The following UVRAG variants were observed in gnomAD, a reference collection of about 807,000 sequenced individuals.
UVRAG encodes the protein UV radiation resistance associated.
Under a neutral mutation model 78.0 loss-of-function variants are expected in UVRAG, and 19 were observed. The ratio of observed to expected loss-of-function variants is 0.24; its 90% CI spans 0.17 to 0.36. UVRAG has a LOEUF of 0.36. UVRAG is among the 10% of genes least tolerant of loss of function. The pLI, the probability that UVRAG is intolerant of heterozygous loss-of-function variation, is 1.00. For synonymous variants in UVRAG, 323 were observed against 324.6 expected, an observed-to-expected ratio of 1.00 and a Z score of 0.05; for missense variants, 740 against 853.8, an observed-to-expected ratio of 0.87 and a Z score of 1.66.
chr11:76,063,900 T>TC (rs1951138438), intron 12 of UVRAG, among the ~76,000 whole-genome samples: 2 of 152,262 alleles, frequency 1.3e-5, no homozygotes. Flanking sequence ...TATAAATACA[T>TC]GTACTTTTGT....
intron 2 of UVRAG, among the ~76,000 whole-genome samples, chr11:75,853,154 G>A (rs1016278863): frequency 2.6e-5 from 4 of 152,036 alleles, no homozygotes; most frequent in African/African-American, 9.7e-5. Flanking sequence ...CTCAAGCTAT[G>A]CTCCTCCCCC....
intron 13 of UVRAG, among the ~76,000 whole-genome samples, chr11:76,082,539 C>A (rs1338668836): frequency 5.6e-3 from 567 of 101,638 alleles, no homozygotes; most frequent in Non-Finnish European, 6.2e-3. Flanking sequence ...GACTCCGTCC[C>A]AAAAAAAAAA....
chr11:76,033,108 G>T (rs1160442631), intron 12 of UVRAG, among the ~76,000 whole-genome samples: 2 of 152,170 alleles, frequency 1.3e-5, no homozygotes, highest in African/African-American at 4.8e-5. Context: ...GATAAGCCAT[G>T]TTGGCTTTTA....
chr11:76,003,257 A>ATTTTTTTTTTTTTTTTTTTTTTT (rs398045280), intron 8 of UVRAG, among the ~76,000 whole-genome samples: 2 of 53,734 alleles, frequency 3.7e-5, no homozygotes, highest in African/African-American at 1.6e-4. Flanking sequence ...GAAAATACTG[A>ATTTTTTTTTTTTTTTTTTTTTTT]TTTTTTTTTT....
Position 75,845,535 on chromosome 11 carries a change from G to T in UVRAG, c.118-6348G>T, listed in dbSNP as rs535092013. Among the ~76,000 whole-genome samples, 11 of 152,298 alleles carry T rather than the reference G, an allele frequency of 7.2e-5. No homozygotes were observed. The East Asian group carries it at 1.5e-3, about 21-fold the overall frequency. On this transcript the variant is annotated intron_variant, in intron 1 of 14. Transcript: ENST00000356136. ...GAGATCATGGCCTTTGCAGCAACAT[G>T]GTTGGAGCTGGATTCTATTATCCTA...
intron 3 of UVRAG, among the ~76,000 whole-genome samples, chr11:75,862,171 A>T (rs1946434790): frequency 6.6e-6 from 1 of 152,234 alleles, no homozygotes; most frequent in East Asian, 1.9e-4. Flanking sequence ...CTCAAATTCT[A>T]TAGTTTTCTC....
At chr11:75,963,385 A>G (rs1416310894) in intron 7 of UVRAG, among the ~76,000 whole-genome samples, 3 of 152,222 alleles carry the variant, frequency 2.0e-5, no homozygotes, top group Admixed American at 6.5e-5. Context: ...ATCATTTGAC[A>G]ATAGAGATGG....
chr11:76,129,289 T>C (rs1952471399), intron 14 of UVRAG, among the ~76,000 whole-genome samples: 1 of 152,246 alleles, frequency 6.6e-6, no homozygotes, highest in South Asian at 2.1e-4. Context: ...AGGGATCATT[T>C]AGCATCTGGT....
chr11:75,837,975 C>T (rs1340766603), intron 1 of UVRAG, among the ~76,000 whole-genome samples: 2 of 152,094 alleles, frequency 1.3e-5, no homozygotes, highest in Non-Finnish European at 2.9e-5. Context: ...GTGATTGTGC[C>T]ACCACTCGCC....
chr11:75,937,037 G>C (rs927869087), intron 6 of UVRAG, among the ~76,000 whole-genome samples: 3 of 152,178 alleles, frequency 2.0e-5, no homozygotes, highest in Non-Finnish European at 2.9e-5. Flanking sequence ...AGGCCACCAA[G>C]CTCCAGTTAA....
At chr11:76,019,202 CT>C (rs1007086744) in intron 12 of UVRAG, among the ~76,000 whole-genome samples, 36 of 152,170 alleles carry the variant, frequency 2.4e-4, no homozygotes, top group Non-Finnish European at 1.0e-4. Flanking sequence ...TTATTTCAAT[CT>C]CTTTGTTAAA....
chr11:76,128,605 G>A (rs1952456355), intron 14 of UVRAG, among the ~76,000 whole-genome samples: 1 of 151,868 alleles, frequency 6.6e-6, no homozygotes, highest in Non-Finnish European at 1.5e-5. Context: ...GGCATGGGAG[G>A]TATTTTTTGT....
intron 5 of UVRAG, among the ~76,000 whole-genome samples, chr11:75,892,137 C>T (rs1195801332): frequency 2.6e-5 from 4 of 152,138 alleles, no homozygotes; most frequent in Non-Finnish European, 5.9e-5. Context: ...AGGAACAAAG[C>T]CTGAGCCTCC....
In UVRAG at chr11:76,070,135, A is replaced by G. The variant is rs141819256; in HGVS notation, c.1305+4347A>G. 5.3e-3 allele frequency among the ~76,000 whole-genome samples: 807 copies of G among 152,296 alleles called. 9 individuals are homozygous for G. Among genetic ancestry groups the G allele is most frequent in the African/African-American group, 0.019 (787 of 41,554 alleles). ...ATTATTCAGCCTCTGTAAAGGACAT[A>G]CTGCCATTTGTGACAATACAGATGA... is the stretch of plus-strand genomic sequence containing the variant. On this transcript the variant is annotated intron_variant, in intron 13 of 14. Transcript: ENST00000356136.
intron 6 of UVRAG, among the ~76,000 whole-genome samples, chr11:75,928,887 A>T (rs1428604308): frequency 7.5e-6 from 1 of 132,716 alleles, no homozygotes; most frequent in Non-Finnish European, 1.6e-5. Context: ...GCTTGCAGTG[A>T]GCTGAGATCA....
At chr11:75,929,329 C>T (rs1948181972) in intron 6 of UVRAG, among the ~76,000 whole-genome samples, 1 of 152,070 alleles carries the variant, frequency 6.6e-6, no homozygotes, top group African/African-American at 2.4e-5. Flanking sequence ...GTTAGTAGAC[C>T]TTGTGTTACT....
intron 7 of UVRAG, among the ~76,000 whole-genome samples, chr11:75,969,000 A>G (rs547486885): frequency 1.3e-5 from 2 of 152,336 alleles, no homozygotes; most frequent in African/African-American, 4.8e-5. Context: ...TAAAATACAT[A>G]TAAGATTTAT....
intron 6 of UVRAG, among the ~76,000 whole-genome samples, chr11:75,955,104 T>A (rs1948769050): frequency 6.6e-6 from 1 of 152,178 alleles, no homozygotes; most frequent in African/African-American, 2.4e-5. Flanking sequence ...ACTGGATGTG[T>A]CAGCAGGGTC....
At chr11:75,917,215 A>C (rs886649765) in intron 6 of UVRAG, among the ~76,000 whole-genome samples, 1 of 152,236 alleles carries the variant, frequency 6.6e-6, no homozygotes, top group Non-Finnish European at 1.5e-5. Flanking sequence ...AGATGGAGTC[A>C]GCTACATGTT....
Sources: allele counts gnomAD v4.1 joint callset (sites outside exome capture counted in the v4.1 genomes callset), GRCh38; gene constraint gnomAD v4.1.1; transcripts MANE v1.5; gene names NCBI Gene and HGNC (gene_info 2026-07-23, HGNC 2026-07-21).